DMD: variants seen among roughly 807,000 people sequenced by gnomAD.
The protein encoded by DMD is mutant dystrophin.
A neutral mutation model predicts 330.1 loss-of-function variants in DMD; 63 were observed. The observed-to-expected ratio is 0.19, with a 90% CI of 0.16 to 0.24. The LOEUF (loss-of-function observed/expected upper bound fraction) is 0.24. Among genes scored for constraint, DMD ranks in the 10% least tolerant of loss-of-function variants. The pLI is 1.00. For synonymous variants in DMD, 1,223 were observed against 959.8 expected (o/e 1.27, Z -5.07); for missense variants, 3,344 against 2,684.1 (o/e 1.25, Z -5.43).
intron 9 of DMD, among the ~76,000 whole-genome samples, chrX:32,655,282 T>C (rs2060479655): frequency 8.9e-6 from 1 of 112,494 alleles, no homozygotes; most frequent in Admixed American, 9.4e-5. Context: ...TTCAGTGCTA[T>C]AAATTTCCCT....
rs7878193 is a variant in DMD, at chrX:32,838,134, T to C, written c.264+6649A>G. On this transcript the variant is annotated intron_variant, in intron 4 of 78. Transcript: ENST00000357033. Reference sequence around the variant, plus strand: ...ATTTCCATCAATTTTTCTTCATGGATTTAGCAGCATTTCTACTGTGCGATA... The same window carrying C: ...ATTTCCATCAATTTTTCTTCATGGACTTAGCAGCATTTCTACTGTGCGATA... Among the ~76,000 whole-genome samples, 960 of 111,978 alleles carry C rather than the reference T, an allele frequency of 8.6e-3. 13 individuals carry two copies. The highest frequency in any genetic ancestry group is 0.03 in the African/African-American group (916 of 30,791).
At chrX:31,896,113 T>C (rs2094328133) in intron 47 of DMD, among the ~76,000 whole-genome samples, 1 of 107,733 alleles carries the variant, frequency 9.3e-6, no homozygotes, top group Non-Finnish European at 1.9e-5. Context: ...AAAATATGTA[T>C]TAGTTATTGT....
At chrX:32,331,982 G>A (rs980674409) in intron 41 of DMD, among the ~76,000 whole-genome samples, 12 of 111,334 alleles carry the variant, frequency 1.1e-4, no homozygotes, top group Non-Finnish European at 7.6e-5. Context: ...TTCAATTAAT[G>A]TTCTTAAACC....
intron 42 of DMD, among the ~76,000 whole-genome samples, chrX:32,291,851 C>T (rs945119286): frequency 1.8e-5 from 2 of 111,667 alleles, no homozygotes; most frequent in East Asian, 5.6e-4. Context: ...CATATTTTCA[C>T]ATTTGGATAC....
chrX:32,447,580 C>G (rs1484473800), intron 27 of DMD, among the ~76,000 whole-genome samples: 2 of 111,225 alleles, frequency 1.8e-5, no homozygotes, highest in Non-Finnish European at 3.8e-5. Flanking sequence ...CTTTAAATAT[C>G]AAACCCTCAA....
At chrX:31,548,994 T>G (rs2147727655) in intron 55 of DMD, among the ~76,000 whole-genome samples, 1 of 111,041 alleles carries the variant, frequency 9.0e-6, no homozygotes, top group South Asian at 3.8e-4. Context: ...TGTTAAAACT[T>G]ATGTATGAAT....
chrX:32,181,196 T>C (rs1204039825), intron 44 of DMD, among the ~76,000 whole-genome samples: 2 of 111,874 alleles, frequency 1.8e-5, no homozygotes, highest in Non-Finnish European at 3.8e-5. Context: ...ATGTAAGCCA[T>C]AGTCCTTAGA....
intron 43 of DMD, among the ~76,000 whole-genome samples, chrX:32,229,574 A>T (rs1005268055): frequency 9.9e-6 from 1 of 101,130 alleles, no homozygotes; most frequent in Non-Finnish European, 2.0e-5. Context: ...TATTAGGGTG[A>T]TTATTTTTCT....
intron 60 of DMD, among the ~76,000 whole-genome samples, chrX:31,368,050 G>C (rs887982696): frequency 1.8e-5 from 2 of 111,610 alleles, no homozygotes; most frequent in Admixed American, 9.5e-5. Flanking sequence ...ACGGTTCTGT[G>C]CAAGTTCTAA....
intron 47 of DMD, among the ~76,000 whole-genome samples, chrX:31,890,620 C>A (rs181130521): frequency 1.2e-4 from 13 of 110,873 alleles, no homozygotes; most frequent in Admixed American, 4.8e-4. Context: ...AAAAAACTTG[C>A]CAATCTTCAT....
intron 1 of DMD, among the ~76,000 whole-genome samples, chrX:33,054,276 T>C (rs1273667179): frequency 1.8e-5 from 2 of 112,128 alleles, no homozygotes; most frequent in African/African-American, 6.5e-5. Context: ...ATAAATTATG[T>C]CTCTATACAC....
At chrX:31,695,588 T>A (rs201154355) in intron 52 of DMD, among the ~76,000 whole-genome samples, 3 of 105,920 alleles carry the variant, frequency 2.8e-5, no homozygotes, top group African/African-American at 3.5e-5. Context: ...AAAAAAAAAA[T>A]TTTAAAAACC....
At chrX:31,447,889 A>G (rs1865020408) in intron 59 of DMD, among the ~76,000 whole-genome samples, 1 of 107,911 alleles carries the variant, frequency 9.3e-6, no homozygotes, top group South Asian at 4.2e-4. Flanking sequence ...TGCCTGTAGT[A>G]CCAGCTACTC....
At chrX:31,614,353 G>A (rs2078083823) in intron 55 of DMD, among the ~76,000 whole-genome samples, 1 of 111,921 alleles carries the variant, frequency 8.9e-6, no homozygotes. Flanking sequence ...AACTCCCAGA[G>A]AATAATATAT....
chrX:31,452,855 C>G (rs757658562), intron 59 of DMD, among the ~76,000 whole-genome samples: 12 of 111,479 alleles, frequency 1.1e-4, no homozygotes, highest in Non-Finnish European at 2.1e-4. Context: ...AAATGAGGAA[C>G]AGGGAAGTAT....
chrX:33,125,209 A>C (rs918370422), intron 1 of DMD, among the ~76,000 whole-genome samples: 2 of 110,556 alleles, frequency 1.8e-5, no homozygotes, highest in Non-Finnish European at 3.8e-5. Context: ...AATATGGTAC[A>C]CTTGTTTTCT....
intron 2 of DMD, among the ~76,000 whole-genome samples, chrX:33,007,427 T>TA (rs1292392576): frequency 9.0e-6 from 1 of 111,177 alleles, no homozygotes; most frequent in Non-Finnish European, 1.9e-5. Flanking sequence ...GTATGCCTCT[T>TA]AAGTGAGGCT....
chrX:32,265,118 C>T (rs770295336), intron 43 of DMD, among the ~76,000 whole-genome samples: 32 of 112,151 alleles, frequency 2.9e-4, no homozygotes, highest in Non-Finnish European at 5.3e-4. Context: ...GCAGCCCCTC[C>T]CATCATAGGA....
chrX:32,812,807 C>T (rs2077466717), intron 6 of DMD, among the ~76,000 whole-genome samples: 1 of 111,234 alleles, frequency 9.0e-6, no homozygotes, highest in South Asian at 3.7e-4. Flanking sequence ...TTGGATAATG[C>T]CTTTGTTATG....
Sources: gnomAD v4.1 joint callset for allele counts (sites outside exome capture counted in the v4.1 genomes callset) on GRCh38, gnomAD v4.1.1 for gene constraint, MANE v1.5 for transcripts, NCBI Gene and HGNC (gene_info 2026-07-23, HGNC 2026-07-21) for gene names.